Variants in DDX3Y observed in about 807,000 individuals in gnomAD.
DDX3Y encodes ATP-dependent RNA helicase DDX3Y.
Under a neutral mutation model 15.1 loss-of-function variants are expected in DDX3Y, and 2 were observed. That is an observed-to-expected ratio of 0.13 (90% CI 0.05 to 0.42). The LOEUF (loss-of-function observed/expected upper bound fraction) is 0.42, where lower values mean the gene tolerates loss of function less well. Among genes scored for constraint, DDX3Y ranks in the 10% least tolerant of loss-of-function variants. The probability of loss-of-function intolerance (pLI) is 0.99; values close to 1 mark genes in which losing one functional copy is unlikely to be tolerated. For missense variants in DDX3Y, 81 were observed against 149.9 expected, an observed-to-expected ratio of 0.54 and a Z score of 2.40; for synonymous variants, 47 against 45.0, an observed-to-expected ratio of 1.04 and a Z score of -0.18.
intron 8 of DDX3Y, 100 bp from the exon 9 acceptor site, chrY:12,914,784 G>C: frequency 3.7e-6 from 1 of 273,398 alleles, no homozygotes; most frequent in Non-Finnish European, 5.4e-6. Flanking sequence ...CTGAAAATAA[G>C]TTTGTAGATG....
At chrY:12,908,753 G>T (rs2053619096) in intron 2 of DDX3Y, among the ~76,000 whole-genome samples, 1 of 33,459 alleles carries the variant, frequency 3.0e-5, no homozygotes, top group Non-Finnish European at 7.5e-5. Context: ...CGCGATCTCG[G>T]CTCACCCCAA....
At position 12,918,948 on chromosome Y, in the gene DDX3Y, A is replaced by T; in HGVS notation, c.*826A>T. 6.0e-5 allele frequency: 2 copies of T among 33,491 alleles called. No homozygotes were observed. Among genetic ancestry groups the T allele is most frequent in the Non-Finnish European group, 7.4e-5 (1 of 13,567 alleles). 8.4% of individuals were successfully genotyped at this position (33,491 alleles called of 400,897 possible). ...ACAAGAAAGGTTTAAAGCTTTGATA[A>T]AATGGGGGAGATTTAATCAGTTTTT... On this transcript the variant is annotated 3_prime_UTR_variant, in exon 17 of 17. Transcript: ENST00000336079.
Position 12,912,779 on chromosome Y carries a change from C to A in DDX3Y, c.334C>A (p.Pro112Thr), listed in dbSNP as rs1323420701. 10 of 398,485 alleles carry A rather than the reference C, an allele frequency of 2.5e-5. No homozygotes were observed. Among genetic ancestry groups the A allele is most frequent in the South Asian group, 1.8e-4 (6 of 33,804 alleles). Residue 112 changes from proline (P) to threonine (T), a missense_variant, in exon 5 of 17, where the codon CCT becomes ACT. By Grantham distance (38) the Pro-to-Thr change is conservative (BLOSUM62 -1). Around this residue, in one of 2 missense-constraint regions of DDX3Y, gnomAD observed 29 missense variants for 27.1 expected, o/e 1.07. Transcript: ENST00000336079. The stretch of plus-strand genomic sequence containing the variant: ...TGATGGTATTGGCAATCGTGAAAGA[C>A]CTGGCTTTGGCAGATTTGAACGGAG... The part of the protein sequence containing the change: ...DYDGIGNRER[P>T]GFGRFERSGH...
At chrY:12,914,200 G>A (rs772206518) in intron 7 of DDX3Y, among the ~76,000 whole-genome samples, 4 of 33,891 alleles carry the variant, frequency 1.2e-4, no homozygotes, top group South Asian at 1.3e-3. Context: ...CATTGGTTAC[G>A]TCTATAGCTG....
chrY:12,913,098 C>A, intron 6 of DDX3Y, 36 bp downstream of exon 6: 1 of 281,496 alleles, frequency 3.6e-6, no homozygotes, highest in Non-Finnish European at 5.5e-6. Flanking sequence ...GTTATTAATG[C>A]AAACCCATTG....
intron 7 of DDX3Y, among the ~76,000 whole-genome samples, chrY:12,914,286 C>T (rs771505555): frequency 5.9e-5 from 2 of 33,904 alleles, no homozygotes; most frequent in Middle Eastern, 0.029. Context: ...GTTCACTGAC[C>T]CCTGTTTTAC....
In DDX3Y at chrY:12,917,026, C is replaced by T. The variant is rs765932038; in HGVS notation, c.1729C>T (p.His577Tyr). ...SWLENMAYEH[H>Y]YKGGSRGRSK... ...GTTGGAAAATATGGCTTATGAACACCACTACAAGGGTGGCAGTCGTGGACG... is the reference window on the plus strand; with the variant it reads ...GTTGGAAAATATGGCTTATGAACACTACTACAAGGGTGGCAGTCGTGGACG... Residue 577 changes from histidine (H) to tyrosine (Y), a missense_variant, in exon 15 of 17, where the codon CAC becomes TAC. Coordinates refer to ENST00000336079, the MANE Select transcript of DDX3Y (RefSeq NM_004660.5). 2.5e-6 allele frequency: 1 copy of T among 398,048 alleles called. No homozygotes were observed. Among genetic ancestry groups the T allele is most frequent in the South Asian group, 3.0e-5 (1 of 33,719 alleles).
At position 12,915,072 on chromosome Y, in the gene DDX3Y, C is replaced by T; in HGVS notation, c.864C>T (p.Ser288=). 1 of 398,410 alleles carries T rather than the reference C, an allele frequency of 2.5e-6. No homozygotes were observed. Among genetic ancestry groups the T allele is most frequent in the Non-Finnish European group, 3.5e-6 (1 of 283,386 alleles). Residue 288 remains serine (S), a synonymous_variant, in exon 10 of 17, where the codon TCC becomes TCT. Transcript: ENST00000336079. ...VQIYEEARKF[S]YRSRVRPCVV... ...GACATGTTCTTTGCTTAAAGTTTTC[C>T]TACCGATCTAGAGTTCGTCCTTGTG...
intron 1 of DDX3Y, among the ~76,000 whole-genome samples, chrY:12,905,524 G>A (rs2053608801): frequency 2.9e-5 from 1 of 34,089 alleles, no homozygotes. Context: ...GCAGCGCTGT[G>A]TTCCTTGAGC....
intron 1 of DDX3Y, among the ~76,000 whole-genome samples, chrY:12,906,201 A>G: frequency 6.0e-5 from 2 of 33,378 alleles, no homozygotes; most frequent in African/African-American, 2.4e-4. Context: ...TCTGCCTCCC[A>G]AGTCTAGGGG....
At chrY:12,905,127 A>G in intron 1 of DDX3Y, 146 bp downstream of exon 1, 1 of 177,072 alleles carries the variant, frequency 5.6e-6, no homozygotes, top group Non-Finnish European at 1.1e-5. Flanking sequence ...ATGGGGAGAG[A>G]AACTGCATGA....
At chrY:12,906,507 G>C in intron 1 of DDX3Y, among the ~76,000 whole-genome samples, 1 of 33,543 alleles carries the variant, frequency 3.0e-5, no homozygotes, top group Non-Finnish European at 7.4e-5. Flanking sequence ...TTGATAAACC[G>C]TGCTGTCTAG....
rs1004653953 is a variant in DDX3Y at position 12,920,467 on chromosome Y, A to G, written c.*2345A>G. ...TTATTCTGATTTTACTAAAATAAAAAGTTCAAAAGTCTTCCTGCTGTCACT... is the reference window on the plus strand; with the variant it reads ...TTATTCTGATTTTACTAAAATAAAAGGTTCAAAAGTCTTCCTGCTGTCACT... On this transcript the variant is annotated 3_prime_UTR_variant, in exon 17 of 17. Coordinates refer to ENST00000336079, the MANE Select transcript of DDX3Y (RefSeq NM_004660.5). 38 of 34,260 alleles carry G rather than the reference A, an allele frequency of 1.1e-3. No individual in the cohort carries two copies. The highest frequency in any genetic ancestry group is 2.9e-4 in the Non-Finnish European group (4 of 13,711). 8.5% of individuals were successfully genotyped at this position (34,260 alleles called of 400,897 possible).
intron 8 of DDX3Y, 47 bp downstream of exon 8, chrY:12,914,696 T>G (rs755437142): frequency 3.1e-6 from 1 of 318,662 alleles, no homozygotes; most frequent in South Asian, 3.4e-5. Context: ...TAAAAAGCTT[T>G]GCAAAGCCCT....
At chrY:12,908,429 A>G in intron 2 of DDX3Y, among the ~76,000 whole-genome samples, 1 of 34,386 alleles carries the variant, frequency 2.9e-5, no homozygotes. Context: ...TTATATGAAC[A>G]TTACAGATAT....
At chrY:12,907,511 A>G (rs1255379228) in intron 1 of DDX3Y, 26 bp from the exon 2 acceptor site, 2 of 328,113 alleles carry the variant, frequency 6.1e-6, no homozygotes, top group Middle Eastern at 6.7e-4. Context: ...GTGTATCAGC[A>G]TGTGAGCTAT....
intron 16 of DDX3Y, among the ~76,000 whole-genome samples, chrY:12,917,777 TG>T (rs2148300874): frequency 3.2e-5 from 1 of 31,040 alleles, no homozygotes; most frequent in East Asian, 8.3e-4. Context: ...TTGGCCAGGC[TG>T]GTCTCTACCT....
chrY:12,907,060 G>A (rs2053614317), intron 1 of DDX3Y, among the ~76,000 whole-genome samples: 1 of 29,398 alleles, frequency 3.4e-5, no homozygotes, highest in Admixed American at 3.1e-4. Flanking sequence ...TTGATGTTTA[G>A]GAATTTATCT....
At chrY:12,911,728 G>A in intron 3 of DDX3Y, 111 bp from the exon 4 acceptor site, 1 of 208,378 alleles carries the variant, frequency 4.8e-6, no homozygotes, top group Non-Finnish European at 7.8e-6. Context: ...TAGACCATTG[G>A]TCCCATAAAG....
Sources: gnomAD v4.1 joint callset for allele counts (sites outside exome capture counted in the v4.1 genomes callset) on GRCh38, gnomAD v4.1.1 for gene constraint, gnomAD v4.1.1 regional missense constraint, MANE v1.5 for transcripts, NCBI Gene and HGNC (gene_info 2026-07-23, HGNC 2026-07-21) for gene names.